The following WDPCP variants were observed in gnomAD, a reference collection of about 807,000 sequenced individuals.
WDPCP encodes the protein WD repeat containing planar cell polarity effector.
In WDPCP, 71 loss-of-function variants were observed where a neutral mutation model predicts 93.1. That is an observed-to-expected ratio of 0.76 (90% CI 0.63 to 0.93). WDPCP has a LOEUF of 0.93. WDPCP is among the 40% of genes least tolerant of loss of function. The pLI, the probability that WDPCP is intolerant of heterozygous loss-of-function variation, is 0.00. For missense variants in WDPCP, 844 were observed against 887.4 expected, an observed-to-expected ratio of 0.95 and a Z score of 0.62; for synonymous variants, 315 against 315.0, an observed-to-expected ratio of 1.00 and a Z score of 0.00.
chr2:63,223,349 AC>A (rs1201083214), intron 14 of WDPCP, among the ~76,000 whole-genome samples: 4 of 152,138 alleles, frequency 2.6e-5, no homozygotes, highest in Non-Finnish European at 4.4e-5. Context: ...AGAACGTTTT[AC>A]CACCCTCACG....
chr2:63,815,623 G>A (rs1670922014), intron 1 of WDPCP, among the ~76,000 whole-genome samples: 1 of 152,142 alleles, frequency 6.6e-6, no homozygotes, highest in African/African-American at 2.4e-5. Flanking sequence ...CAGCTGGAGA[G>A]TCTCCACACC....
chr2:63,756,994 G>A (rs1669982293), intron 2 of WDPCP, among the ~76,000 whole-genome samples: 1 of 152,130 alleles, frequency 6.6e-6, no homozygotes, highest in Admixed American at 6.5e-5. Context: ...CTTACTGGTT[G>A]GTTATACATG....
chr2:63,756,099 C>A (rs896190601), intron 2 of WDPCP, among the ~76,000 whole-genome samples: 2 of 152,166 alleles, frequency 1.3e-5, no homozygotes, highest in African/African-American at 4.8e-5. Context: ...CTAATTTGTC[C>A]CAAACATTCT....
chr2:63,293,959 T>C (rs1024111621), intron 13 of WDPCP, among the ~76,000 whole-genome samples: 5 of 152,016 alleles, frequency 3.3e-5, no homozygotes, highest in African/African-American at 1.2e-4. Context: ...AAATAATGGC[T>C]AAAAACTCCC....
intron 15 of WDPCP, among the ~76,000 whole-genome samples, chr2:63,156,850 T>C (rs953705444): frequency 6.6e-6 from 1 of 152,208 alleles, no homozygotes; most frequent in Non-Finnish European, 1.5e-5. Flanking sequence ...CAAAAAGGGA[T>C]GGTTTCATTT....
At chr2:63,270,878 C>T (rs1228704221) in intron 13 of WDPCP, among the ~76,000 whole-genome samples, 2 of 152,132 alleles carry the variant, frequency 1.3e-5, no homozygotes, top group Non-Finnish European at 2.9e-5. Flanking sequence ...TGCGCTGCAT[C>T]CCACATCCCC....
chr2:63,522,584 AAG>A (rs1452732642), intron 1 of WDPCP, among the ~76,000 whole-genome samples: 1 of 152,210 alleles, frequency 6.6e-6, no homozygotes, highest in East Asian at 1.9e-4. Flanking sequence ...AATAAAGAAA[AAG>A]AGAGAAGATC....
intron 14 of WDPCP, among the ~76,000 whole-genome samples, chr2:63,180,347 CCTA>C (rs1220129018): frequency 6.6e-6 from 1 of 152,140 alleles, no homozygotes; most frequent in African/African-American, 2.4e-5. Flanking sequence ...TTACCCACCT[CCTA>C]CACTACTGAA....
In WDPCP at chr2:63,575,421, G is replaced by GTATATATACTGTA. The variant is rs768124525; in HGVS notation, c.75+12775_75+12776insTACAGTATATATA. Among the ~76,000 whole-genome samples, 11 of 53,740 alleles carry GTATATATACTGTA rather than the reference G, an allele frequency of 2.0e-4. 2 individuals are homozygous for GTATATATACTGTA. The highest frequency in any genetic ancestry group is 1.5e-3 in the African/African-American group (11 of 7,356). The allele number at this position is 53,740 out of a possible 152,430, so 35.3% of individuals were successfully genotyped here. ...ACAGTATATATACAGTATATACACT[G>GTATATATACTGTA]TATACAGTGTATATACAGTGTATAC... On this transcript the variant is annotated intron_variant, in intron 1 of 17. Transcript: ENST00000272321.
intron 9 of WDPCP, among the ~76,000 whole-genome samples, chr2:63,421,068 G>A (rs1695822879): frequency 6.6e-6 from 1 of 152,130 alleles, no homozygotes; most frequent in Non-Finnish European, 1.5e-5. Context: ...TAGTGAATGA[G>A]AGTTCCCTAT....
rs1558831738 is a variant in WDPCP at position 63,575,398 on chromosome 2, A to AGT, written c.75+12797_75+12798dup. ...TATACAGTATATACACGGTATATAC[A>AGT]GTATATATACAGTATATACACTGTA... is the stretch of plus-strand genomic sequence containing the variant. On this transcript the variant is annotated intron_variant, in intron 1 of 17. Transcript: ENST00000272321. Among the ~76,000 whole-genome samples the AGT allele has an allele frequency of 8.2e-4, 73 of 89,258 alleles. 1 individual carries two copies. The highest frequency in any genetic ancestry group is 1.1e-3 in the Non-Finnish European group (47 of 40,954). The allele number at this position is 89,258 out of a possible 152,430, so 58.6% of individuals were successfully genotyped here.
chr2:63,386,196 C>CA (rs1444574396), intron 10 of WDPCP, among the ~76,000 whole-genome samples: 1 of 151,970 alleles, frequency 6.6e-6, no homozygotes, highest in Non-Finnish European at 1.5e-5. Context: ...AAACAAAGAA[C>CA]ATTATGAACT....
At chr2:63,413,033 T>C (rs1388882302) in intron 9 of WDPCP, among the ~76,000 whole-genome samples, 1 of 152,144 alleles carries the variant, frequency 6.6e-6, no homozygotes, top group Non-Finnish European at 1.5e-5. Flanking sequence ...CTAAAATTCA[T>C]ATGGAACCAA....
intron 6 of WDPCP, among the ~76,000 whole-genome samples, chr2:63,484,382 T>C (rs1700442286): frequency 6.6e-6 from 1 of 152,040 alleles, no homozygotes; most frequent in South Asian, 2.1e-4. Context: ...TATTAGTGTT[T>C]GTATGTCAGT....
rs200255586 is a variant in WDPCP at position 63,323,054 on chromosome 2, T to TGGG, written c.1749-9744_1749-9743insCCC. Among the ~76,000 whole-genome samples the TGGG allele has an allele frequency of 3.5e-3, 539 of 152,334 alleles. 1 individual carries two copies. The highest frequency in any genetic ancestry group is 0.011 in the African/African-American group (468 of 41,584). On this transcript the variant is annotated intron_variant, in intron 12 of 17. Transcript: ENST00000272321. ...CCAGCTTCCGCTTTTCCTGTACTTCTGGACTGAGCCCAGGGTCGACAGAGA... is the reference window on the plus strand; with the variant it reads ...CCAGCTTCCGCTTTTCCTGTACTTCTGGGGGACTGAGCCCAGGGTCGACAGAGA...
chr2:63,450,362 C>G (rs1698154966), intron 6 of WDPCP, among the ~76,000 whole-genome samples: 1 of 152,182 alleles, frequency 6.6e-6, no homozygotes, highest in African/African-American at 2.4e-5. Context: ...CAACCCCGCA[C>G]TGCAGCCACA....
chr2:63,544,810 A>G (rs1381858195), intron 1 of WDPCP, among the ~76,000 whole-genome samples: 1 of 152,176 alleles, frequency 6.6e-6, no homozygotes, highest in African/African-American at 2.4e-5. Context: ...TTGAGCAATA[A>G]CTTTTTTAAA....
At chr2:63,369,658 A>G (rs1192556432) in intron 12 of WDPCP, among the ~76,000 whole-genome samples, 6 of 152,154 alleles carry the variant, frequency 3.9e-5, no homozygotes, top group African/African-American at 1.2e-4. Flanking sequence ...TAATAAGCAG[A>G]CTATCCCCAC....
Position 63,588,419 on chromosome 2 carries a change from G to T in WDPCP, c.-148C>A, listed in dbSNP as rs906745955. 1.1e-6 allele frequency: 1 copy of T among 882,748 alleles called. No individual in the cohort carries two copies. The highest frequency in any genetic ancestry group is 1.9e-6 in the Non-Finnish European group (1 of 538,880). 54.7% of individuals were successfully genotyped at this position (882,748 alleles called of 1,614,324 possible). On this transcript the variant is annotated 5_prime_UTR_variant, in exon 1 of 18. Transcript: ENST00000272321. ...GTGCTACAAAGCAGCCAGGGTGTGC[G>T]TGCGCTCCCGCCTCGTCGCTTAGCA...
Sources: allele counts gnomAD v4.1 joint callset (sites outside exome capture counted in the v4.1 genomes callset), GRCh38; gene constraint gnomAD v4.1.1; transcripts MANE v1.5; gene names NCBI Gene and HGNC (gene_info 2026-07-23, HGNC 2026-07-21).